The following HS6ST2 variants were observed in gnomAD, a reference collection of about 807,000 sequenced individuals.
The protein encoded by HS6ST2 is heparan sulfate 6-O-sulfotransferase 2, also known as heparan-sulfate 6-O-sulfotransferase 2.
Under a neutral mutation model 33.0 loss-of-function variants are expected in HS6ST2, and 17 were observed. The observed-to-expected ratio is 0.52, with a 90% CI of 0.35 to 0.77. The LOEUF is 0.77. Among genes scored for constraint, HS6ST2 ranks in the 30% least tolerant of loss-of-function variants. The pLI is 0.01. For synonymous variants in HS6ST2, 248 were observed against 237.1 expected (o/e 1.05, Z -0.42); for missense variants, 519 against 551.7 (o/e 0.94, Z 0.59).
At chrX:132,675,439 G>A (rs146424475) in intron 3 of HS6ST2, among the ~76,000 whole-genome samples, 2 of 111,842 alleles carry the variant, frequency 1.8e-5, no homozygotes, top group East Asian at 2.8e-4. Context: ...ATCTAAATCA[G>A]GTAACTTAGT....
At chrX:132,855,494 A>G (rs928537521) in intron 2 of HS6ST2, among the ~76,000 whole-genome samples, 2 of 112,474 alleles carry the variant, frequency 1.8e-5, no homozygotes, top group African/African-American at 6.5e-5. Context: ...AATAGTAGGT[A>G]TGGCACAAAT....
intron 2 of HS6ST2, among the ~76,000 whole-genome samples, chrX:132,759,044 C>T (rs1602646669): frequency 8.9e-6 from 1 of 111,789 alleles, no homozygotes; most frequent in African/African-American, 3.3e-5. Context: ...TTCAAAGGGT[C>T]ACATTTCCCC....
At chrX:132,951,585 C>G (rs745705534) in intron 2 of HS6ST2, among the ~76,000 whole-genome samples, 1 of 111,746 alleles carries the variant, frequency 8.9e-6, no homozygotes, top group Non-Finnish European at 1.9e-5. Context: ...AGGAAAAGGG[C>G]CTGTCCAAAA....
At chrX:132,749,463 T>A (rs866795682) in intron 2 of HS6ST2, among the ~76,000 whole-genome samples, 3 of 112,471 alleles carry the variant, frequency 2.7e-5, no homozygotes, top group African/African-American at 3.2e-5. Context: ...GGGAGGTACA[T>A]ATTTGGCCGT....
chrX:132,959,801 C>T (rs1054194905), upstream of HS6ST2, among the ~76,000 whole-genome samples: 2 of 112,027 alleles, frequency 1.8e-5, no homozygotes, highest in African/African-American at 6.5e-5. Context: ...AATGTAGAAA[C>T]CTTTAGGCCA....
intron 2 of HS6ST2, among the ~76,000 whole-genome samples, chrX:132,732,108 T>C (rs1453989936): frequency 1.8e-5 from 2 of 112,355 alleles, no homozygotes; most frequent in African/African-American, 3.2e-5. Flanking sequence ...GGTTACAAAT[T>C]GTTTTCTGGC....
At chrX:132,864,061 C>G (rs761295268) in intron 2 of HS6ST2, among the ~76,000 whole-genome samples, 1 of 110,733 alleles carries the variant, frequency 9.0e-6, no homozygotes, top group African/African-American at 3.3e-5. Flanking sequence ...TCAACATCAA[C>G]AAAAAGGACA....
intron 2 of HS6ST2, among the ~76,000 whole-genome samples, chrX:132,938,742 C>T (rs779027902): frequency 1.8e-5 from 2 of 111,675 alleles, no homozygotes; most frequent in South Asian, 7.6e-4. Flanking sequence ...TCACATTTTA[C>T]TGGAGATTTT....
chrX:132,821,455 G>C (rs1489302745), intron 2 of HS6ST2, among the ~76,000 whole-genome samples: 1 of 109,164 alleles, frequency 9.2e-6, no homozygotes, highest in Admixed American at 9.8e-5. Flanking sequence ...CTTGTGATCC[G>C]CCCACCTCGG....
intron 2 of HS6ST2, among the ~76,000 whole-genome samples, chrX:132,923,832 T>C (rs2066681684): frequency 2.7e-5 from 3 of 111,133 alleles, no homozygotes; most frequent in African/African-American, 9.8e-5. Flanking sequence ...CCATATGTAA[T>C]AGCATTTGTA....
intron 1 of HS6ST2, among the ~76,000 whole-genome samples, chrX:132,957,696 C>G (rs895925178): frequency 2.1e-4 from 23 of 110,201 alleles, no homozygotes; most frequent in Non-Finnish European, 4.0e-4. Flanking sequence ...CCAGTCCGGG[C>G]CCCCGCGTGT....
chrX:132,713,406 C>T (rs772386965), intron 2 of HS6ST2, among the ~76,000 whole-genome samples: 1 of 111,764 alleles, frequency 8.9e-6, no homozygotes, highest in African/African-American at 3.3e-5. Flanking sequence ...CCACACAGCT[C>T]GCAGCCCCCT....
Position 132,745,121 on chromosome X carries a change from T to C in HS6ST2, c.948-36627A>G, listed in dbSNP as rs1374123377. On this transcript the variant is annotated intron_variant, in intron 2 of 4. Coordinates refer to ENST00000370833, the MANE Select transcript of HS6ST2 (RefSeq NM_001394073.1). ...ATTTTTTTGAGACAGAGTCTTGCTG[T>C]GTCACCCAGGCTGGAGTGCAGTGGC... Among the ~76,000 whole-genome samples the C allele has an allele frequency of 2.7e-5, 3 of 111,631 alleles. No homozygotes were observed. In the Admixed American group the frequency reaches 2.8e-4, roughly 11 times the overall value.
chrX:132,826,340 G>A (rs768807191), intron 2 of HS6ST2, among the ~76,000 whole-genome samples: 9 of 111,532 alleles, frequency 8.1e-5, no homozygotes, highest in African/African-American at 2.9e-4. Flanking sequence ...ATGATCGCCA[G>A]TAGCCACATA....
chrX:132,767,891 G>A (rs1057407552), intron 2 of HS6ST2, among the ~76,000 whole-genome samples: 1 of 111,463 alleles, frequency 9.0e-6, no homozygotes, highest in Admixed American at 9.6e-5. Context: ...CTAAGCAGGA[G>A]GGCTGAGATT....
At chrX:132,856,102 C>T (rs2065850227) in intron 2 of HS6ST2, among the ~76,000 whole-genome samples, 1 of 111,568 alleles carries the variant, frequency 9.0e-6, no homozygotes, top group Admixed American at 9.6e-5. Flanking sequence ...AGTTGCCTTG[C>T]TCAGACAATA....
At chrX:132,773,829 G>A (rs1052267777) in intron 2 of HS6ST2, among the ~76,000 whole-genome samples, 3 of 111,600 alleles carry the variant, frequency 2.7e-5, no homozygotes, top group Non-Finnish European at 5.6e-5. Flanking sequence ...GGAGGGAAAA[G>A]GAAATGTGGA....
chrX:132,824,372 A>G (rs752029024), intron 2 of HS6ST2, among the ~76,000 whole-genome samples: 14 of 112,527 alleles, frequency 1.2e-4, no homozygotes, highest in Admixed American at 3.8e-4. Context: ...AGTAGCAACT[A>G]GCTATTTCAG....
chrX:132,697,418 G>A (rs1412130754), intron 3 of HS6ST2, among the ~76,000 whole-genome samples: 2 of 112,121 alleles, frequency 1.8e-5, no homozygotes, highest in Non-Finnish European at 3.8e-5. Flanking sequence ...CAGGTCACAT[G>A]AGAGTTATTC....
Sources: gnomAD v4.1 joint callset for allele counts (sites outside exome capture counted in the v4.1 genomes callset) on GRCh38, gnomAD v4.1.1 for gene constraint, MANE v1.5 for transcripts, NCBI Gene and HGNC (gene_info 2026-07-23, HGNC 2026-07-21) for gene names.